ARHGAP31: variants seen among roughly 807,000 people sequenced by gnomAD.
ARHGAP31 encodes the protein Rho GTPase activating protein 31.
In ARHGAP31, 34 loss-of-function variants were observed where a neutral mutation model predicts 113.9. That is an observed-to-expected ratio of 0.30 (90% confidence interval 0.23 to 0.40). The LOEUF is 0.40. Among genes scored for constraint, ARHGAP31 ranks in the 10% least tolerant of loss-of-function variants. ARHGAP31 has a pLI of 1.00. For missense variants in ARHGAP31, 1,548 were observed against 1,767.1 expected (o/e 0.88, Z 2.22); for synonymous variants, 650 against 684.8 (o/e 0.95, Z 0.79).
intron 1 of ARHGAP31, among the ~76,000 whole-genome samples, chr3:119,321,730 C>G (rs538804036): frequency 1.6e-3 from 248 of 152,276 alleles, no homozygotes; most frequent in African/African-American, 5.7e-3. Flanking sequence ...CTCATTGAAG[C>G]CTCTACCTCT....
intron 11 of ARHGAP31, among the ~76,000 whole-genome samples, chr3:119,410,887 T>C (rs923919272): frequency 6.6e-6 from 1 of 152,146 alleles, no homozygotes; most frequent in African/African-American, 2.4e-5. Flanking sequence ...TATGGAAGCA[T>C]GGAGTGCATG....
Position 119,415,995 on chromosome 3 carries a change from A to C in ARHGAP31, c.4066A>C (p.Ile1356Leu). 1 of 1,614,154 alleles carries C rather than the reference A, an allele frequency of 6.2e-7. No homozygotes were observed. The highest frequency in any genetic ancestry group is 8.5e-7 in the Non-Finnish European group (1 of 1,180,024). Residue 1356 changes from isoleucine (I) to leucine (L), a missense_variant, in exon 12 of 12, where the codon ATT (isoleucine) becomes CTT (leucine). Transcript: ENST00000264245. Reference sequence around the variant, plus strand: ...AATCTTATTCAGTCCTCCTTTCCCCATTATGGACCACCTGCCCCCTTCATC... The same window carrying C: ...AATCTTATTCAGTCCTCCTTTCCCCCTTATGGACCACCTGCCCCCTTCATC... ...SLILFSPPFP[I>L]MDHLPPSSTV...
At chr3:119,323,159 C>G (rs959805383) in intron 1 of ARHGAP31, among the ~76,000 whole-genome samples, 3 of 152,200 alleles carry the variant, frequency 2.0e-5, no homozygotes, top group Admixed American at 2.0e-4. Context: ...GGGACTCACA[C>G]GCTGCGGCGA....
Position 119,294,993 on chromosome 3 carries a change from C to G in ARHGAP31, c.89C>G (p.Ser30Trp). Residue 30 changes from serine to tryptophan, a missense_variant, in exon 1 of 12, where the codon TCG becomes TGG. Coordinates refer to ENST00000264245, the MANE Select transcript of ARHGAP31 (RefSeq NM_020754.4). The stretch of plus-strand genomic sequence containing the variant: ...GACCTGACGGAGTATCTGGAAAGCT[C>G]GGGACAGGATGGTAATGTGCCTTGG... ...GCDLTEYLES[S>W]GQDVPYVLKS... The G allele has an allele frequency of 1.2e-6, 2 of 1,614,140 alleles. No homozygotes were observed. The highest frequency in any genetic ancestry group is 1.3e-5 in the African/African-American group (1 of 75,016).
rs755744006 is a variant in ARHGAP31, at chr3:119,415,053, G to A, written c.3124G>A (p.Glu1042Lys). 64 of 1,614,102 alleles carry A rather than the reference G, an allele frequency of 4.0e-5. No homozygotes were observed. Among genetic ancestry groups the A allele is most frequent in the Non-Finnish European group, 4.9e-5 (58 of 1,180,048 alleles). Residue 1042 changes from glutamate to lysine, a missense_variant, in exon 12 of 12, where the codon GAG (glutamate) becomes AAG (lysine). By Grantham distance (56) the Glu-to-Lys change is moderately conservative. Coordinates refer to ENST00000264245, the MANE Select transcript of ARHGAP31 (RefSeq NM_020754.4). ...AGAAACCAGCCCCATCAGCCTAGCAGAGGGAAAGGAGCTAGGGACACACCT... is the reference window on the plus strand; with the variant it reads ...AGAAACCAGCCCCATCAGCCTAGCAAAGGGAAAGGAGCTAGGGACACACCT... ...PAETSPISLA[E>K]GKELGTHLGH...
Position 119,409,679 on chromosome 3 carries a change from A to C in ARHGAP31, c.1829A>C (p.Lys610Thr). 1 of 1,611,622 alleles carries C rather than the reference A, an allele frequency of 6.2e-7. No homozygotes were observed. The highest frequency in any genetic ancestry group is 8.5e-7 in the Non-Finnish European group (1 of 1,178,826). The change falls in exon 11 of 12, where the codon AAG becomes ACG. Residue 610 changes from lysine to threonine, a missense_variant. Transcript: ENST00000264245. ...TTAGAGAAGAGGCCAAATCCGGAGA[A>C]GGTGGTGGAGGAGGGACGAGAGGCT... is the stretch of plus-strand genomic sequence containing the variant. ...NELEKRPNPEKVVEEGREAGE... is the reference protein window; with the variant it reads ...NELEKRPNPETVVEEGREAGE...
rs187677160 is a variant in ARHGAP31 at position 119,337,166 on chromosome 3, G to A, written c.101-28150G>A. ...TTCAAGAATGAAGCCGCGGACCCTG[G>A]CAGTGAGTGTTACAGTTCTTAGAGA... On this transcript the variant is annotated intron_variant, in intron 1 of 11. Transcript: ENST00000264245. Among the ~76,000 whole-genome samples, 6 of 152,304 alleles carry A rather than the reference G, an allele frequency of 3.9e-5. No individual in the cohort carries two copies. The East Asian group carries it at 9.6e-4, about 24-fold the overall frequency.
intron 1 of ARHGAP31, among the ~76,000 whole-genome samples, chr3:119,336,737 A>C (rs1255065852): frequency 3.3e-5 from 5 of 152,188 alleles, no homozygotes; most frequent in Non-Finnish European, 7.3e-5. Flanking sequence ...TACAACAATG[A>C]CCACAATCAA....
At chr3:119,365,189 C>T (rs1459999570) in intron 1 of ARHGAP31, 127 bp from the exon 2 acceptor site, 3 of 745,572 alleles carry the variant, frequency 4.0e-6, no homozygotes, top group East Asian at 5.4e-5. Flanking sequence ...ATTGTTTCCA[C>T]TTGTAAGTCA....
chr3:119,325,389 A>G (rs1200084371), intron 1 of ARHGAP31, among the ~76,000 whole-genome samples: 2 of 152,214 alleles, frequency 1.3e-5, no homozygotes, highest in South Asian at 2.1e-4. Context: ...CTGTGACTCT[A>G]CAGGCTGATT....
chr3:119,357,075 C>A (rs191072759), intron 1 of ARHGAP31, among the ~76,000 whole-genome samples: 4 of 152,140 alleles, frequency 2.6e-5, no homozygotes, highest in Admixed American at 2.0e-4. Flanking sequence ...AACTTAGGTA[C>A]CTTTGCCAAT....
At chr3:119,334,296 G>T (rs898130189) in intron 1 of ARHGAP31, among the ~76,000 whole-genome samples, 4 of 152,078 alleles carry the variant, frequency 2.6e-5, no homozygotes, top group Non-Finnish European at 5.9e-5. Flanking sequence ...GGCTCCTGTC[G>T]GACCAGACAC....
At chr3:119,387,661 A>G (rs1385997760) in intron 6 of ARHGAP31, among the ~76,000 whole-genome samples, 1 of 152,200 alleles carries the variant, frequency 6.6e-6, no homozygotes, top group East Asian at 1.9e-4. Context: ...GAGGCCAAAG[A>G]GATTGTGATA....
intron 1 of ARHGAP31, among the ~76,000 whole-genome samples, chr3:119,351,751 A>C (rs2080112684): frequency 6.6e-6 from 1 of 152,160 alleles, no homozygotes; most frequent in Admixed American, 6.5e-5. Flanking sequence ...TGCTCAGTTC[A>C]CGACCTTCTC....
At chr3:119,405,162 AC>A (rs1314132276) in intron 10 of ARHGAP31, among the ~76,000 whole-genome samples, 8 of 152,222 alleles carry the variant, frequency 5.3e-5, no homozygotes, top group African/African-American at 1.4e-4. Flanking sequence ...TGATTCTATA[AC>A]ACCTACAAAA....
chr3:119,307,953 A>AAAAAAAAAAAAAAAAAT, intron 1 of ARHGAP31, among the ~76,000 whole-genome samples: 1 of 149,154 alleles, frequency 6.7e-6, no homozygotes, highest in Admixed American at 6.7e-5. Flanking sequence ...AAAAAAAAAA[A>AAAAAAAAAAAAAAAAAT]AAAAAAAGCT....
At chr3:119,367,063 G>T (rs1295319422) in intron 2 of ARHGAP31, among the ~76,000 whole-genome samples, 6 of 150,042 alleles carry the variant, frequency 4.0e-5, no homozygotes, top group African/African-American at 1.5e-4. Context: ...GATTGTGCCA[G>T]CCTGGGCAAC....
chr3:119,401,215 CAGTT>C (rs1220532262), intron 9 of ARHGAP31, among the ~76,000 whole-genome samples: 33 of 150,444 alleles, frequency 2.2e-4, no homozygotes, highest in African/African-American at 7.8e-4. Flanking sequence ...TGCTTTCTAA[CAGTT>C]AGTTAATTTA....
At chr3:119,309,032 A>C (rs2079655214) in intron 1 of ARHGAP31, among the ~76,000 whole-genome samples, 1 of 152,082 alleles carries the variant, frequency 6.6e-6, no homozygotes, top group Admixed American at 6.5e-5. Flanking sequence ...TGTAGAGACA[A>C]GGTTTCACGA....
Sources: allele counts gnomAD v4.1 joint callset (sites outside exome capture counted in the v4.1 genomes callset), GRCh38; gene constraint gnomAD v4.1.1; transcripts MANE v1.5; gene names NCBI Gene and HGNC (gene_info 2026-07-23, HGNC 2026-07-21).